The following MEGF11 variants were observed in gnomAD, a reference collection of about 807,000 sequenced individuals.
MEGF11 encodes the protein multiple EGF like domains 11, also known as multiple epidermal growth factor-like domains protein 11.
MEGF11 carries 126 observed loss-of-function variants against 146.6 expected under a neutral mutation model. That is an observed-to-expected ratio of 0.86 (90% CI 0.74 to 1.00). The LOEUF is 1.00. Among genes scored for constraint, MEGF11 ranks in the 50% least tolerant of loss-of-function variants. The pLI is 0.00. For synonymous variants in MEGF11, 532 were observed against 583.4 expected, an observed-to-expected ratio of 0.91 and a Z score of 1.27; for missense variants, 1,509 against 1,521.2, an observed-to-expected ratio of 0.99 and a Z score of 0.13.
intron 1 of MEGF11, among the ~76,000 whole-genome samples, chr15:66,220,669 C>T (rs1408163776): frequency 1.4e-5 from 2 of 142,314 alleles, no homozygotes; most frequent in African/African-American, 2.8e-5. Context: ...TCCAGAGTAG[C>T]TGGGACTACA....
intron 8 of MEGF11, among the ~76,000 whole-genome samples, chr15:65,965,569 T>C (rs890549896): frequency 1.5e-5 from 2 of 134,350 alleles, no homozygotes; most frequent in African/African-American, 5.5e-5. Context: ...GCCAGTGAGG[T>C]CCCTTTCTTT....
chr15:66,246,973 G>T (rs2092304262), intron 1 of MEGF11, among the ~76,000 whole-genome samples: 1 of 152,104 alleles, frequency 6.6e-6, no homozygotes, highest in African/African-American at 2.4e-5. Context: ...GATCGTATTT[G>T]GATTGACTAT....
At chr15:66,074,739 C>T (rs2085505912) in intron 5 of MEGF11, among the ~76,000 whole-genome samples, 1 of 152,156 alleles carries the variant, frequency 6.6e-6, no homozygotes, top group South Asian at 2.1e-4. Context: ...CAAACTGCTC[C>T]CTAACGTGGT....
intron 1 of MEGF11, among the ~76,000 whole-genome samples, chr15:66,214,893 A>T (rs577779459): frequency 5.3e-5 from 8 of 152,118 alleles, no homozygotes; most frequent in Non-Finnish European, 1.0e-4. Context: ...GTAAGAGGAG[A>T]GGAGGGAAGA....
chr15:66,130,207 T>A (rs2088579958), intron 1 of MEGF11, among the ~76,000 whole-genome samples: 1 of 152,176 alleles, frequency 6.6e-6, no homozygotes, highest in South Asian at 2.1e-4. Context: ...GGACATGGCA[T>A]TGAGCTATGC....
intron 1 of MEGF11, among the ~76,000 whole-genome samples, chr15:66,241,736 A>G (rs938352204): frequency 1.3e-5 from 2 of 152,146 alleles, no homozygotes; most frequent in African/African-American, 4.8e-5. Flanking sequence ...ACACACATAG[A>G]GCAGTCATGC....
chr15:66,034,398 GTTT>G (rs58298192), intron 5 of MEGF11, among the ~76,000 whole-genome samples: 2 of 145,166 alleles, frequency 1.4e-5, no homozygotes, highest in African/African-American at 2.5e-5. Flanking sequence ...TGGAATGCTG[GTTT>G]TTTTTTTTTT....
chr15:66,249,771 T>G (rs1229160161), intron 1 of MEGF11, among the ~76,000 whole-genome samples: 3 of 152,330 alleles, frequency 2.0e-5, no homozygotes, highest in Non-Finnish European at 1.5e-5. Flanking sequence ...TGTTTAGAAA[T>G]GCAAATTGCT....
chr15:65,928,570 TC>T, intron 12 of MEGF11, 43 bp from the exon 13 acceptor site: 1 of 1,394,522 alleles, frequency 7.2e-7, no homozygotes, highest in Non-Finnish European at 1.0e-6. Flanking sequence ...GACCCAAACC[TC>T]CAGAGGTTTG....
intron 1 of MEGF11, among the ~76,000 whole-genome samples, chr15:66,202,562 C>A (rs1472845867): frequency 6.6e-6 from 1 of 152,192 alleles, no homozygotes; most frequent in Non-Finnish European, 1.5e-5. Context: ...CCCCAGCACA[C>A]CTGCCTCTGG....
chr15:65,908,351 G>A (rs1056738282), intron 23 of MEGF11, among the ~76,000 whole-genome samples: 3 of 152,116 alleles, frequency 2.0e-5, no homozygotes, highest in African/African-American at 4.8e-5. Context: ...CCACATTGTA[G>A]GGAGGCCACA....
intron 24 of MEGF11, chr15:65,901,865 A>G (rs1388275778): frequency 2.6e-5 from 4 of 152,254 alleles, no homozygotes; most frequent in South Asian, 2.1e-4. Context: ...CTACTTTAGA[A>G]TGAGGAATCT....
chr15:66,154,382 G>A (rs752165528), intron 1 of MEGF11, among the ~76,000 whole-genome samples: 2 of 152,194 alleles, frequency 1.3e-5, no homozygotes, highest in African/African-American at 2.4e-5. Context: ...AAGAGTACTT[G>A]CCCCGCAAGA....
chr15:66,151,790 C>T (rs2089578955), intron 1 of MEGF11, among the ~76,000 whole-genome samples: 1 of 152,188 alleles, frequency 6.6e-6, no homozygotes, highest in African/African-American at 2.4e-5. Context: ...AAACAAGCTC[C>T]CAGCTCCGTT....
At chr15:66,110,782 G>C (rs28478088) in intron 4 of MEGF11, among the ~76,000 whole-genome samples, 29,729 of 152,028 alleles carry the variant, frequency 0.2, 3,325 homozygotes, top group African/African-American at 0.3. Flanking sequence ...AGCAGCTAGG[G>C]AGAGGCTGAG....
chr15:66,124,934 G>A (rs2088261837), intron 2 of MEGF11, among the ~76,000 whole-genome samples: 1 of 152,250 alleles, frequency 6.6e-6, no homozygotes. Context: ...TATGTAGGCT[G>A]GTATTATTCA....
chr15:65,922,383 T>C lies in MEGF11; in HGVS notation c.1912A>G (p.Ile638Val). 6.2e-7 allele frequency: 1 copy of C among 1,602,610 alleles called. No individual in the cohort carries two copies. The highest frequency in any genetic ancestry group is 8.5e-7 in the Non-Finnish European group (1 of 1,174,890). Reference protein sequence around the residue: ...SSRPCHHISGICECLPGFSGA... With the variant: ...SSRPCHHISGVCECLPGFSGA... ...GAGAATCCTGGGAGGCACTCACAGA[T>C]GCCGCTGATGTGGTGGCAGGGCCTG... Residue 638 changes from isoleucine (I) to valine (V), a missense_variant, in exon 15 of 26, where the codon ATC (isoleucine) becomes GTC (valine). Ile to Val is a conservative substitution (Grantham distance 29). Transcript: ENST00000395614.
At chr15:65,924,886 C>T (rs2079315361) in intron 13 of MEGF11, among the ~76,000 whole-genome samples, 1 of 152,174 alleles carries the variant, frequency 6.6e-6, no homozygotes, top group South Asian at 2.1e-4. Flanking sequence ...GCCTCAGCCT[C>T]CCAAAGTGCT....
intron 5 of MEGF11, among the ~76,000 whole-genome samples, chr15:66,039,492 T>C (rs2083864793): frequency 6.6e-6 from 1 of 152,162 alleles, no homozygotes; most frequent in Non-Finnish European, 1.5e-5. Flanking sequence ...CTGTTATCAT[T>C]TCATTTGGTT....
Sources: allele counts gnomAD v4.1 joint callset (sites outside exome capture counted in the v4.1 genomes callset), GRCh38; gene constraint gnomAD v4.1.1; transcripts MANE v1.5; gene names NCBI Gene and HGNC (gene_info 2026-07-23, HGNC 2026-07-21).